HERPUD2: variants seen among roughly 807,000 people sequenced by gnomAD.
The protein encoded by HERPUD2 is homocysteine-responsive endoplasmic reticulum-resident ubiquitin-like domain member 2 protein.
HERPUD2 carries 13 observed loss-of-function variants against 49.9 expected under a neutral mutation model. That is an observed-to-expected ratio of 0.26 (90% confidence interval 0.17 to 0.41). HERPUD2 has a LOEUF of 0.41. Ranked by LOEUF, HERPUD2 falls within the 10% of genes least tolerant of loss-of-function variation. The pLI, the probability that HERPUD2 is intolerant of heterozygous loss-of-function variation, is 1.00. For missense variants in HERPUD2, 449 were observed against 492.2 expected, an observed-to-expected ratio of 0.91 and a Z score of 0.83; for synonymous variants, 172 against 171.4, an observed-to-expected ratio of 1.00 and a Z score of -0.03.
Position 35,674,402 on chromosome 7 carries a change from TATAGAGAGAGAGAGAGAGAGAGAGAGAG to T in HERPUD2, c.148-1152_148-1125del, listed in dbSNP as rs1313830365. On this transcript the variant is annotated intron_variant, in intron 2 of 8. Coordinates refer to ENST00000311350, the MANE Select transcript of HERPUD2 (RefSeq NM_022373.5). ...ACCTATATATATATATATATATATA[TATAGAGAGAGAGAGAGAGAGAGAGAGAG>T]AGAGAGAGAGAGAGAGAGAGAGAGA... is the stretch of plus-strand genomic sequence containing the variant. Among the ~76,000 whole-genome samples, 217 of 54,452 alleles carry T rather than the reference TATAGAGAGAGAGAGAGAGAGAGAGAGAG, an allele frequency of 4.0e-3. 8 individuals are homozygous for T. The highest frequency in any genetic ancestry group is 0.015 in the African/African-American group (188 of 12,750). 35.7% of individuals were successfully genotyped at this position (54,452 alleles called of 152,430 possible).
chr7:35,674,586 C>T (rs1315046803), intron 2 of HERPUD2, among the ~76,000 whole-genome samples: 3 of 151,594 alleles, frequency 2.0e-5, no homozygotes, highest in East Asian at 1.9e-4. Context: ...GCTAATAAGA[C>T]AACTGGTGGC....
In HERPUD2 at chr7:35,635,328, T is replaced by C. The variant is rs775057707; in HGVS notation, c.748A>G (p.Asn250Asp). 1.9e-6 allele frequency: 3 copies of C among 1,614,032 alleles called. No individual in the cohort carries two copies. The highest frequency in any genetic ancestry group is 1.7e-5 in the Admixed American group (1 of 59,996). The part of the protein sequence containing the change: ...PPAPNLVAQE[N>D]RPMNENVQMN... Reference sequence around the variant, plus strand: ...TGAACATTCTCATTCATGGGTCGATTTTCTTGGGCCACTAGGTTTGGAGCT... The same window carrying C: ...TGAACATTCTCATTCATGGGTCGATCTTCTTGGGCCACTAGGTTTGGAGCT... Residue 250 changes from asparagine to aspartate, a missense_variant, in exon 7 of 9, where the codon AAT becomes GAT. Coordinates refer to ENST00000311350, the MANE Select transcript of HERPUD2 (RefSeq NM_022373.5).
intron 2 of HERPUD2, among the ~76,000 whole-genome samples, chr7:35,673,793 C>T (rs976062710): frequency 1.9e-4 from 29 of 152,178 alleles, no homozygotes; most frequent in African/African-American, 7.0e-4. Context: ...AATTCAAGAG[C>T]CATTTAGATT....
At chr7:35,656,456 GA>G (rs1221095189) in intron 5 of HERPUD2, among the ~76,000 whole-genome samples, 7 of 151,624 alleles carry the variant, frequency 4.6e-5, no homozygotes, top group Non-Finnish European at 8.8e-5. Flanking sequence ...TACAGAATTA[GA>G]AAAAAAATCC....
chr7:35,659,608 G>T (rs536895025), intron 5 of HERPUD2, among the ~76,000 whole-genome samples: 1 of 152,302 alleles, frequency 6.6e-6, no homozygotes, highest in South Asian at 2.1e-4. Context: ...TGGAAGCACA[G>T]TAGAGAAGAG....
chr7:35,638,278 T>C, intron 6 of HERPUD2, 72 bp downstream of exon 6: 3 of 1,407,268 alleles, frequency 2.1e-6, no homozygotes, highest in South Asian at 2.9e-5. Flanking sequence ...CAAATCAACT[T>C]ACTTAGGATA....
At chr7:35,661,013 T>A (rs1466143429) in intron 5 of HERPUD2, among the ~76,000 whole-genome samples, 1 of 152,198 alleles carries the variant, frequency 6.6e-6, no homozygotes, top group Admixed American at 6.5e-5. Context: ...TGGTTTTAGG[T>A]CTAACATTTA....
At position 35,694,391 on chromosome 7, in the gene HERPUD2, T is replaced by C; in HGVS notation, c.-61A>G. ...GCAGTTAAGCCCAAAAGAGCCGAGA[T>C]GGTCACCGCCGGCGCGACTGGGATG... On this transcript the variant is annotated 5_prime_UTR_variant, in exon 2 of 9. Coordinates refer to ENST00000311350, the MANE Select transcript of HERPUD2 (RefSeq NM_022373.5). The C allele has an allele frequency of 1.3e-6, 2 of 1,589,066 alleles. No individual in the cohort carries two copies. The highest frequency in any genetic ancestry group is 1.7e-6 in the Non-Finnish European group (2 of 1,158,316).
intron 5 of HERPUD2, among the ~76,000 whole-genome samples, chr7:35,665,818 A>G (rs1785525831): frequency 6.6e-6 from 1 of 152,202 alleles, no homozygotes; most frequent in African/African-American, 2.4e-5. Context: ...AATTTTCTCA[A>G]TAGCCTAGTT....
chr7:35,659,183 T>A (rs893339546), intron 5 of HERPUD2, among the ~76,000 whole-genome samples: 11 of 152,238 alleles, frequency 7.2e-5, no homozygotes, highest in African/African-American at 2.7e-4. Flanking sequence ...TTGCACATTT[T>A]AAGGCTAAGA....
intron 5 of HERPUD2, among the ~76,000 whole-genome samples, chr7:35,653,468 A>G (rs1198448475): frequency 1.3e-5 from 2 of 152,338 alleles, no homozygotes; most frequent in African/African-American, 2.4e-5. Context: ...ATCCAATACA[A>G]TAAGTGCTAG....
At chr7:35,682,355 GTGTATA>G (rs1226742789) in intron 2 of HERPUD2, among the ~76,000 whole-genome samples, 588 of 30,320 alleles carry the variant, frequency 0.019, 82 homozygotes, top group South Asian at 0.065. Flanking sequence ...GTGTGTGTGT[GTGTATA>G]TATATATATA....
chr7:35,633,751 G>C lies in HERPUD2; in HGVS notation c.1160C>G (p.Ser387Cys). 6.2e-7 allele frequency: 1 copy of C among 1,613,992 alleles called. No homozygotes were observed. ...TGAAGTAAAGAAGGTGGTGATGAAAGACCAAGCTGAAGCCATTAATCCAGG... is the reference window on the plus strand; with the variant it reads ...TGAAGTAAAGAAGGTGGTGATGAAACACCAAGCTGAAGCCATTAATCCAGG... ...QRPGLMASAW[S>C]FITTFFTSLI... The change falls in exon 9 of 9, where the codon TCT becomes TGT. Residue 387 changes from serine (S) to cysteine (C), a missense_variant. Transcript: ENST00000311350.
intron 2 of HERPUD2, among the ~76,000 whole-genome samples, chr7:35,677,397 A>G (rs1413423655): frequency 6.6e-6 from 1 of 152,192 alleles, no homozygotes; most frequent in African/African-American, 2.4e-5. Context: ...GGCTTTCATT[A>G]TTACGTATAG....
chr7:35,672,357 T>C (rs1785661677), intron 3 of HERPUD2, among the ~76,000 whole-genome samples: 2 of 151,782 alleles, frequency 1.3e-5, no homozygotes, highest in African/African-American at 2.4e-5. Context: ...TGTTAGCAAT[T>C]TGAAACTACA....
chr7:35,675,433 T>G (rs193255971), intron 2 of HERPUD2, among the ~76,000 whole-genome samples: 2 of 152,334 alleles, frequency 1.3e-5, no homozygotes, highest in Non-Finnish European at 1.5e-5. Context: ...TAAATCTCTA[T>G]AATGTACTTA....
Position 35,694,104 on chromosome 7 carries a change from G to A in HERPUD2, c.147+80C>T, listed in dbSNP as rs1421649501. ...AGACCTATTTGATTCAAGACTGGAGGGGAGAAGCAGGAAAAAGGAGGGTAC... is the reference window on the plus strand; with the variant it reads ...AGACCTATTTGATTCAAGACTGGAGAGGAGAAGCAGGAAAAAGGAGGGTAC... On this transcript the variant is annotated intron_variant, in intron 2 of 8. Transcript: ENST00000311350. The A allele has an allele frequency of 3.4e-6, 5 of 1,458,378 alleles. No individual in the cohort carries two copies. In the Admixed American group the frequency reaches 5.1e-5, roughly 15 times the overall value. The allele number at this position is 1,458,378 out of a possible 1,614,324, so 90.3% of individuals were successfully genotyped here.
At chr7:35,663,197 T>C (rs1410136863) in intron 5 of HERPUD2, among the ~76,000 whole-genome samples, 1 of 152,240 alleles carries the variant, frequency 6.6e-6, no homozygotes, top group Non-Finnish European at 1.5e-5. Flanking sequence ...AGTTTCTTAA[T>C]TCTGAGCTTT....
At chr7:35,682,104 A>AGC (rs1314586675) in intron 2 of HERPUD2, among the ~76,000 whole-genome samples, 19 of 152,002 alleles carry the variant, frequency 1.2e-4, no homozygotes, top group Middle Eastern at 6.8e-3. Context: ...GTGGCATGGT[A>AGC]TCAGCTCACT....
Sources: gnomAD v4.1 joint callset for allele counts (sites outside exome capture counted in the v4.1 genomes callset) on GRCh38, gnomAD v4.1.1 for gene constraint, MANE v1.5 for transcripts, NCBI Gene and HGNC (gene_info 2026-07-23, HGNC 2026-07-21) for gene names.